FAM184A: variants seen among roughly 807,000 people sequenced by gnomAD.
FAM184A encodes protein FAM184A.
In FAM184A, 99 loss-of-function variants were observed where a neutral mutation model predicts 143.8. The observed-to-expected ratio is 0.69, with a 90% CI of 0.58 to 0.81. FAM184A has a LOEUF of 0.81. Among genes scored for constraint, FAM184A ranks in the 40% least tolerant of loss-of-function variants. The probability of loss-of-function intolerance (pLI) is 0.00; values close to 1 mark genes in which losing one functional copy is unlikely to be tolerated. For synonymous variants in FAM184A, 427 were observed against 446.4 expected (o/e 0.96, Z 0.55); for missense variants, 1,217 against 1,310.5 (o/e 0.93, Z 1.10).
intron 1 of FAM184A, among the ~76,000 whole-genome samples, chr6:119,049,890 AACAAGCAACCT>A (rs991678343): frequency 4.6e-5 from 7 of 152,350 alleles, no homozygotes; most frequent in African/African-American, 1.4e-4. Flanking sequence ...CATTAGAGTG[AACAAGCAACCT>A]ACAGAATGGG....
rs1317035640 is a variant in FAM184A, at chr6:118,975,997, A to C, written c.2503T>G (p.Leu835Val). The C allele has an allele frequency of 6.2e-7, 1 of 1,613,452 alleles. No individual in the cohort carries two copies. The highest frequency in any genetic ancestry group is 1.1e-5 in the South Asian group (1 of 90,852). Residue 835 changes from leucine (L) to valine (V), a missense_variant, in exon 12 of 18, where the codon TTG (leucine) becomes GTG (valine). By Grantham distance (32) the Leu-to-Val change is conservative. Coordinates refer to ENST00000338891, the MANE Select transcript of FAM184A (RefSeq NM_024581.6). ...LNHQHAAAID[L>V]LRHNHHQELA... ...TCTTGATGATGATTATGCCGTAACA[A>C]ATCAATTGCAGCTGCATGTTGATGG...
At chr6:119,037,052 T>A (rs1445783449) in intron 1 of FAM184A, among the ~76,000 whole-genome samples, 1 of 152,200 alleles carries the variant, frequency 6.6e-6, no homozygotes, top group Non-Finnish European at 1.5e-5. Flanking sequence ...ATGAGTGCCA[T>A]GGAATGTCAG....
Position 119,064,458 on chromosome 6 carries a change from T to C in FAM184A, c.159+13683A>G, listed in dbSNP as rs571592552. Among the ~76,000 whole-genome samples, 148 of 152,230 alleles carry C rather than the reference T, an allele frequency of 9.7e-4. 1 individual carries two copies. The highest frequency in any genetic ancestry group is 3.3e-3 in the African/African-American group (135 of 41,526). On this transcript the variant is annotated intron_variant, in intron 1 of 17. Transcript: ENST00000338891. ...GCTTATACCTGTAATTCCAGCACTT[T>C]GGGAGGCCAAGGCAGAAAGACAGCT... is the stretch of plus-strand genomic sequence containing the variant.
intron 1 of FAM184A, among the ~76,000 whole-genome samples, chr6:119,128,255 A>G (rs1789428334): frequency 6.6e-6 from 1 of 152,248 alleles, no homozygotes; most frequent in African/African-American, 2.4e-5. Context: ...AAAGCCCGCA[A>G]AACCAAGAAG....
chr6:118,980,311 G>C lies in FAM184A; in HGVS notation c.2128C>G (p.Gln710Glu). 1 of 1,613,944 alleles carries C rather than the reference G, an allele frequency of 6.2e-7. No individual in the cohort carries two copies. The highest frequency in any genetic ancestry group is 8.5e-7 in the Non-Finnish European group (1 of 1,179,872). ...LKQNLEIQLS[Q>E]SQTSLQQLQA... ...AGTTGTTGCAAAGAAGTCTGAGACT[G>C]GGAAAGCTGTATCTCCAGATTCTGT... Residue 710 changes from glutamine to glutamate, a missense_variant, in exon 10 of 18, where the codon CAG becomes GAG. Gln to Glu is a conservative substitution (Grantham distance 29, BLOSUM62 2). Coordinates refer to ENST00000338891, the MANE Select transcript of FAM184A (RefSeq NM_024581.6).
chr6:119,011,222 G>C, intron 6 of FAM184A, 87 bp downstream of exon 6: 1 of 1,150,048 alleles, frequency 8.7e-7, no homozygotes, highest in Non-Finnish European at 1.2e-6. Flanking sequence ...TACCTTTACT[G>C]AGACTTACCT....
chr6:119,119,514 C>T (rs1451165346), intron 1 of FAM184A, among the ~76,000 whole-genome samples: 2 of 152,048 alleles, frequency 1.3e-5, no homozygotes, highest in Admixed American at 1.3e-4. Flanking sequence ...CATGTGAAAT[C>T]GGGGGCAGGT....
intron 1 of FAM184A, among the ~76,000 whole-genome samples, chr6:119,141,580 G>A (rs1238706067): frequency 6.6e-6 from 1 of 152,100 alleles, no homozygotes; most frequent in Non-Finnish European, 1.5e-5. Context: ...AGGTTCAAGC[G>A]ATTCTCCTGC....
chr6:119,065,991 CAAGT>C (rs1015897734), intron 1 of FAM184A, among the ~76,000 whole-genome samples: 9 of 152,224 alleles, frequency 5.9e-5, no homozygotes, highest in African/African-American at 2.2e-4. Flanking sequence ...TCTTTGCAGA[CAAGT>C]AAGTTAAGCT....
chr6:119,090,752 T>G (rs1788343713), intron 1 of FAM184A, among the ~76,000 whole-genome samples: 2 of 152,196 alleles, frequency 1.3e-5, no homozygotes, highest in African/African-American at 2.4e-5. Context: ...CAGATTTTTT[T>G]TACCCTTGGT....
At chr6:119,047,407 A>G (rs1486132800) in intron 1 of FAM184A, among the ~76,000 whole-genome samples, 1 of 152,222 alleles carries the variant, frequency 6.6e-6, no homozygotes, top group Non-Finnish European at 1.5e-5. Flanking sequence ...GGAAATCAGT[A>G]TATCAAAGAG....
intron 1 of FAM184A, among the ~76,000 whole-genome samples, chr6:119,121,483 G>C (rs989753070): frequency 2.0e-4 from 31 of 152,150 alleles, no homozygotes; most frequent in Non-Finnish European, 2.5e-4. Flanking sequence ...AGCAGTATGA[G>C]AGTTTTAGTT....
intron 1 of FAM184A, among the ~76,000 whole-genome samples, chr6:119,051,712 C>G (rs1221747055): frequency 6.6e-6 from 1 of 151,816 alleles, no homozygotes; most frequent in Non-Finnish European, 1.5e-5. Context: ...AAAAGAATAT[C>G]CTGCTATTGG....
At chr6:119,040,453 T>C (rs1786285153) in intron 1 of FAM184A, among the ~76,000 whole-genome samples, 1 of 152,146 alleles carries the variant, frequency 6.6e-6, no homozygotes, top group Admixed American at 6.5e-5. Flanking sequence ...CCAGAGTGAC[T>C]CTGCTCCGCC....
rs17080785 is a variant in FAM184A at position 119,046,740 on chromosome 6, G to C, written c.160-21927C>G. 7.6e-3 allele frequency among the ~76,000 whole-genome samples: 1,164 copies of C among 152,200 alleles called. 8 individuals carry two copies. Among genetic ancestry groups the C allele is most frequent in the African/African-American group, 0.027 (1,105 of 41,526 alleles). ...CACAGTCTTGCTAATACATACCCCT[G>C]AATGGCCAGGAATGCAGAGCAGATC... On this transcript the variant is annotated intron_variant, in intron 1 of 17. Transcript: ENST00000338891.
chr6:118,982,666 C>T (rs992719776), intron 9 of FAM184A, among the ~76,000 whole-genome samples: 3 of 152,344 alleles, frequency 2.0e-5, no homozygotes, highest in Non-Finnish European at 2.9e-5. Flanking sequence ...GGAAACCAAT[C>T]AGCTCACAGT....
chr6:119,042,674 T>C (rs1786384594), intron 1 of FAM184A, among the ~76,000 whole-genome samples: 2 of 152,216 alleles, frequency 1.3e-5, no homozygotes, highest in Non-Finnish European at 2.9e-5. Flanking sequence ...ATTATACATT[T>C]GTCAAAATCC....
At position 118,985,528 on chromosome 6, in the gene FAM184A, AC is replaced by A. The variant is rs1562461615; in HGVS notation, c.2089-5179del. On this transcript the variant is annotated intron_variant, in intron 9 of 17. Transcript: ENST00000338891. ...CCCTTCAAAGTGGCATTTATAAGGT[AC>A]TCACGATATTCAGATATGACCCATT... Among the ~76,000 whole-genome samples the A allele has an allele frequency of 2.6e-5, 4 of 152,290 alleles. No homozygotes were observed. The East Asian group carries it at 7.7e-4, about 29-fold the overall frequency.
At chr6:119,101,274 G>A (rs903232137) in intron 1 of FAM184A, among the ~76,000 whole-genome samples, 4 of 151,710 alleles carry the variant, frequency 2.6e-5, no homozygotes, top group South Asian at 2.1e-4. Context: ...GTTTCTCCAC[G>A]TTGGTCAGAA....
Sources: gnomAD v4.1 joint callset for allele counts (sites outside exome capture counted in the v4.1 genomes callset) on GRCh38, gnomAD v4.1.1 for gene constraint, MANE v1.5 for transcripts, NCBI Gene and HGNC (gene_info 2026-07-23, HGNC 2026-07-21) for gene names.